The following NR6A1 variants were observed in gnomAD, a reference collection of about 807,000 sequenced individuals.
NR6A1 encodes the protein nuclear receptor subfamily 6 group A member 1.
NR6A1 carries 7 observed loss-of-function variants against 59.1 expected under a neutral mutation model. The observed-to-expected ratio is 0.12, with a 90% CI of 0.07 to 0.22. The LOEUF (loss-of-function observed/expected upper bound fraction) is 0.22. Among genes scored for constraint, NR6A1 ranks in the 10% least tolerant of loss-of-function variants. The probability of loss-of-function intolerance (pLI) is 1.00; values close to 1 mark genes in which losing one functional copy is unlikely to be tolerated. For missense variants in NR6A1, 468 were observed against 611.6 expected (o/e 0.77, Z 2.48); for synonymous variants, 243 against 236.1 (o/e 1.03, Z -0.27).
chr9:124,759,002 C>G (rs1840713786), intron 1 of NR6A1, among the ~76,000 whole-genome samples: 1 of 152,178 alleles, frequency 6.6e-6, no homozygotes, highest in African/African-American at 2.4e-5. Flanking sequence ...GAGCTAGAAT[C>G]AGATCCTAGG....
At chr9:124,699,538 C>T (rs531811990) in intron 2 of NR6A1, among the ~76,000 whole-genome samples, 1 of 152,138 alleles carries the variant, frequency 6.6e-6, no homozygotes, top group Non-Finnish European at 1.5e-5. Flanking sequence ...ATCAGTGGGG[C>T]CCCATCTGAT....
intron 2 of NR6A1, among the ~76,000 whole-genome samples, chr9:124,667,137 G>C (rs1837649158): frequency 1.3e-5 from 2 of 151,276 alleles, no homozygotes; most frequent in Admixed American, 1.3e-4. Context: ...CTGGGTTCAA[G>C]CAATTCTTTG....
intron 2 of NR6A1, chr9:124,692,382 A>T (rs1194268955): frequency 1.1e-5 from 5 of 443,698 alleles, no homozygotes; most frequent in Non-Finnish European, 2.5e-5. Context: ...GGAATGTAAG[A>T]GCATCCATCA....
At chr9:124,528,238 T>A (rs1394233325) in intron 7 of NR6A1, among the ~76,000 whole-genome samples, 2 of 152,200 alleles carry the variant, frequency 1.3e-5, no homozygotes, top group Non-Finnish European at 2.9e-5. Flanking sequence ...AGCCTGGCTC[T>A]GGTTGGGGCC....
At chr9:124,747,579 G>A (rs1840371134) in intron 1 of NR6A1, among the ~76,000 whole-genome samples, 1 of 152,032 alleles carries the variant, frequency 6.6e-6, no homozygotes, top group South Asian at 2.1e-4. Flanking sequence ...TGTCTACCAG[G>A]ATAAATAACC....
chr9:124,660,861 C>T (rs1345742474), intron 2 of NR6A1, among the ~76,000 whole-genome samples: 2 of 151,934 alleles, frequency 1.3e-5, no homozygotes, highest in African/African-American at 2.4e-5. Context: ...ATTAGCTGTA[C>T]ACTCTGGTAG....
At chr9:124,635,368 T>C (rs1001326215) in intron 2 of NR6A1, among the ~76,000 whole-genome samples, 1 of 152,176 alleles carries the variant, frequency 6.6e-6, no homozygotes, top group Admixed American at 6.5e-5. Flanking sequence ...ATGGTGTTGG[T>C]TTTCCCCATG....
intron 2 of NR6A1, among the ~76,000 whole-genome samples, chr9:124,699,089 T>C (rs544483297): frequency 6.6e-6 from 1 of 152,302 alleles, no homozygotes; most frequent in Admixed American, 6.5e-5. Context: ...CCTGTTTAAG[T>C]CTTACTTCTC....
chr9:124,534,459 C>A (rs190872164), intron 7 of NR6A1, among the ~76,000 whole-genome samples: 5 of 152,238 alleles, frequency 3.3e-5, no homozygotes, highest in Admixed American at 2.0e-4. Flanking sequence ...ATATGGTCAC[C>A]CTGTGCTCCA....
chr9:124,591,927 T>C (rs999807953), intron 2 of NR6A1, among the ~76,000 whole-genome samples: 5 of 152,166 alleles, frequency 3.3e-5, no homozygotes, highest in African/African-American at 9.7e-5. Flanking sequence ...AGCTTTTCAA[T>C]TGCCCAAGCA....
At chr9:124,606,733 A>G (rs1433955167) in intron 2 of NR6A1, among the ~76,000 whole-genome samples, 2 of 152,338 alleles carry the variant, frequency 1.3e-5, no homozygotes, top group East Asian at 1.9e-4. Flanking sequence ...TGTTCACGTG[A>G]CAGTGAGGTA....
chr9:124,565,160 G>A (rs904110853), intron 2 of NR6A1, among the ~76,000 whole-genome samples: 4 of 152,128 alleles, frequency 2.6e-5, no homozygotes, highest in Non-Finnish European at 5.9e-5. Context: ...CAGGTGTGGA[G>A]GCTCACACCT....
intron 2 of NR6A1, among the ~76,000 whole-genome samples, chr9:124,680,266 A>G (rs565116827): frequency 1.3e-5 from 2 of 152,338 alleles, no homozygotes; most frequent in African/African-American, 2.4e-5. Flanking sequence ...GGCATGCTGT[A>G]TAACTGCTCA....
At chr9:124,688,402 T>C (rs961672156) in intron 2 of NR6A1, among the ~76,000 whole-genome samples, 1 of 152,244 alleles carries the variant, frequency 6.6e-6, no homozygotes, top group Non-Finnish European at 1.5e-5. Flanking sequence ...ACTCACCTAT[T>C]TTTGAAAGTA....
chr9:124,690,853 T>C (rs1466633934), intron 2 of NR6A1, among the ~76,000 whole-genome samples: 1 of 152,188 alleles, frequency 6.6e-6, no homozygotes, highest in Admixed American at 6.5e-5. Context: ...ATGAGGATGA[T>C]GAAGGCCATT....
At chr9:124,674,223 G>GA (rs1377418140) in intron 2 of NR6A1, among the ~76,000 whole-genome samples, 1 of 152,130 alleles carries the variant, frequency 6.6e-6, no homozygotes, top group African/African-American at 2.4e-5. Context: ...CCTTAAGATT[G>GA]AAAAGAAGTA....
Position 124,738,738 on chromosome 9 carries a change from C to T in NR6A1, c.101-5389G>A, listed in dbSNP as rs572949867. ...ACAAAAATTGGGCCGGGTGCAGCGG[C>T]TCACACCTGTAATCCCAGCACTTTG... is the stretch of plus-strand genomic sequence containing the variant. On this transcript the variant is annotated intron_variant, in intron 1 of 9. Transcript: ENST00000487099. 2.6e-5 allele frequency among the ~76,000 whole-genome samples: 4 copies of T among 152,172 alleles called. No individual in the cohort carries two copies. The South Asian group carries it at 6.2e-4, about 24-fold the overall frequency.
At chr9:124,742,430 G>A (rs891459812) in intron 1 of NR6A1, among the ~76,000 whole-genome samples, 6 of 152,032 alleles carry the variant, frequency 3.9e-5, no homozygotes, top group Admixed American at 2.0e-4. Context: ...GTGTGGTGGC[G>A]CATGCCTGTA....
chr9:124,744,487 T>C lies in NR6A1; in HGVS notation c.101-11138A>G, dbSNP rs139335385. Among the ~76,000 whole-genome samples the C allele has an allele frequency of 4.0e-3, 609 of 152,338 alleles. 2 individuals carry two copies. Among genetic ancestry groups the C allele is most frequent in the African/African-American group, 0.013 (551 of 41,574 alleles). On this transcript the variant is annotated intron_variant, in intron 1 of 9. Transcript: ENST00000487099. ...AAAAGTCAAAACAAGAGAACTTCTA[T>C]TGAAAGCATCTTGACTAATAAAACC... is the stretch of plus-strand genomic sequence containing the variant.
Sources: gnomAD v4.1 joint callset for allele counts (sites outside exome capture counted in the v4.1 genomes callset) on GRCh38, gnomAD v4.1.1 for gene constraint, MANE v1.5 for transcripts, NCBI Gene and HGNC (gene_info 2026-07-23, HGNC 2026-07-21) for gene names.